KANSL1L: variants seen among roughly 807,000 people sequenced by gnomAD.
KANSL1L encodes KAT8 regulatory NSL complex subunit 1 like.
A neutral mutation model predicts 108.6 loss-of-function variants in KANSL1L; 25 were observed. The ratio of observed to expected loss-of-function variants is 0.23; its 90% CI spans 0.17 to 0.32. The LOEUF (loss-of-function observed/expected upper bound fraction) is 0.32, where lower values mean the gene tolerates loss of function less well. Among genes scored for constraint, KANSL1L ranks in the 10% least tolerant of loss-of-function variants. The pLI is 1.00. For missense variants in KANSL1L, 1,137 were observed against 1,125.7 expected, an observed-to-expected ratio of 1.01 and a Z score of -0.14; for synonymous variants, 405 against 395.1, an observed-to-expected ratio of 1.03 and a Z score of -0.30.
chr2:210,065,648 T>C (rs2539002), intron 6 of KANSL1L, among the ~76,000 whole-genome samples: 145,052 of 148,882 alleles, frequency 0.97, 70,780 homozygotes, highest in East Asian at 1. Flanking sequence ...TGCAGTGGCA[T>C]GATCTCGGCT....
chr2:210,093,336 G>C (rs149083244), intron 5 of KANSL1L, among the ~76,000 whole-genome samples: 29 of 152,260 alleles, frequency 1.9e-4, no homozygotes, highest in African/African-American at 7.0e-4. Flanking sequence ...AGTAGAGGCG[G>C]GGTTTTGCCA....
intron 3 of KANSL1L, among the ~76,000 whole-genome samples, chr2:210,115,931 T>C (rs2094949378): frequency 6.6e-6 from 1 of 152,132 alleles, no homozygotes; most frequent in African/African-American, 2.4e-5. Flanking sequence ...GAACACCAGA[T>C]TGAACACTAT....
chr2:210,025,207 G>C lies in KANSL1L; in HGVS notation c.2461C>G (p.Leu821Val), dbSNP rs764940486. ...CTTAGGGAGAAGACTTCATCAGAAA[G>C]ATCTTCTATCTGGAATTAGAAATAA... ...YNLGKEEIED[L>V]SDEVFSLRHK... The change falls in exon 13 of 15, where the codon CTT (leucine) becomes GTT (valine). Residue 821 changes from leucine (L) to valine (V), a missense_variant. By Grantham distance (32) the Leu-to-Val change is conservative (BLOSUM62 1). This residue lies in a region of KANSL1L where 575 missense variants were observed against 567.1 expected (regional missense o/e 1.01). Coordinates refer to ENST00000281772, the MANE Select transcript of KANSL1L (RefSeq NM_152519.4). 1.7e-5 allele frequency: 27 copies of C among 1,549,292 alleles called. No homozygotes were observed. The highest frequency in any genetic ancestry group is 2.4e-5 in the Non-Finnish European group (27 of 1,120,888).
At chr2:210,123,286 C>T (rs548363840) in intron 3 of KANSL1L, among the ~76,000 whole-genome samples, 67 of 152,160 alleles carry the variant, frequency 4.4e-4, no homozygotes, top group African/African-American at 1.5e-3. Context: ...CCTAAGTGTC[C>T]ATCAACAGAC....
chr2:210,040,310 G>A (rs2094150432), intron 8 of KANSL1L, 110 bp downstream of exon 8: 1 of 657,260 alleles, frequency 1.5e-6, no homozygotes. Flanking sequence ...TAAAAATTAA[G>A]GATTTTCATG....
chr2:210,044,132 C>T lies in KANSL1L; in HGVS notation c.1756-28G>A, dbSNP rs1289986055. On this transcript the variant is annotated intron_variant, in intron 6 of 14. Transcript: ENST00000281772. This position sits in a 1 kb window ranked among gnomAD's most constrained non-coding sequence, Gnocchi z 4.2. ...GCAAGGAAAAACCGTATTAGAATATCACAGCCAAAGCATCCATAAATGGCA... is the reference window on the plus strand; with the variant it reads ...GCAAGGAAAAACCGTATTAGAATATTACAGCCAAAGCATCCATAAATGGCA... 1.3e-6 allele frequency: 2 copies of T among 1,514,938 alleles called. No homozygotes were observed. The highest frequency in any genetic ancestry group is 1.4e-5 in the African/African-American group (1 of 71,724). The allele number at this position is 1,514,938 out of a possible 1,614,324, so 93.8% of individuals were successfully genotyped here.
At chr2:210,091,836 T>A (rs565895019) in intron 5 of KANSL1L, among the ~76,000 whole-genome samples, 1 of 152,180 alleles carries the variant, frequency 6.6e-6, no homozygotes, top group Non-Finnish European at 1.5e-5. Context: ...CCAAAGTATA[T>A]CCTTTATGTT....
At position 210,104,169 on chromosome 2, in the gene KANSL1L, G is replaced by C. The variant is rs1330979800; in HGVS notation, c.1363C>G (p.Pro455Ala). The C allele has an allele frequency of 1.2e-6, 2 of 1,613,876 alleles. No individual in the cohort carries two copies. The highest frequency in any genetic ancestry group is 1.7e-5 in the Admixed American group (1 of 59,988). Reference protein sequence around the residue: ...QVPQECQDPVPEQDFEMSPSS... With the variant: ...QVPQECQDPVAEQDFEMSPSS... The stretch of plus-strand genomic sequence containing the variant: ...GGTGACATTTCAAAATCTTGTTCCG[G>C]TACAGGATCTTGACACTCCTGGGGA... Residue 455 changes from proline (P) to alanine (A), a missense_variant, in exon 4 of 15, where the codon CCG (proline) becomes GCG (alanine). Physicochemically the swap from Pro to Ala is conservative, Grantham distance 27. Transcript: ENST00000281772.
chr2:210,073,868 C>T (rs926794243), intron 6 of KANSL1L, among the ~76,000 whole-genome samples: 2 of 151,994 alleles, frequency 1.3e-5, no homozygotes, highest in African/African-American at 4.8e-5. Context: ...AATTCTTTAA[C>T]ACATTAAACA....
At chr2:210,038,452 C>G (rs1355772638) in intron 8 of KANSL1L, among the ~76,000 whole-genome samples, 2 of 151,740 alleles carry the variant, frequency 1.3e-5, no homozygotes, top group East Asian at 3.9e-4. Flanking sequence ...TATAGTTGTG[C>G]CAAAATTGAT....
At chr2:210,129,313 A>T in intron 2 of KANSL1L, 141 bp from the exon 3 acceptor site, 1 of 648,370 alleles carries the variant, frequency 1.5e-6, no homozygotes, top group South Asian at 2.5e-5. Flanking sequence ...AGAATGGCAG[A>T]TTGACTTCTT....
At chr2:210,091,639 C>A (rs904667703) in intron 5 of KANSL1L, among the ~76,000 whole-genome samples, 16 of 152,246 alleles carry the variant, frequency 1.1e-4, no homozygotes, top group Non-Finnish European at 1.5e-4. Flanking sequence ...AATTCAAGCA[C>A]CTCAGTGCAA....
chr2:210,136,213 G>C (rs2095172525), intron 2 of KANSL1L, among the ~76,000 whole-genome samples: 1 of 151,956 alleles, frequency 6.6e-6, no homozygotes. Flanking sequence ...GAAAATTTCA[G>C]TATTAATTAA....
At position 210,111,353 on chromosome 2, in the gene KANSL1L, T is replaced by C. The variant is rs186697560; in HGVS notation, c.1231-7052A>G. Among the ~76,000 whole-genome samples, 184 of 152,240 alleles carry C rather than the reference T, an allele frequency of 1.2e-3. 1 individual carries two copies. Among genetic ancestry groups the C allele is most frequent in the African/African-American group, 4.2e-3 (176 of 41,558 alleles). The stretch of plus-strand genomic sequence containing the variant: ...ATATATACAGCAACAAAGATGAACC[T>C]AAAAGCATTATGCTAAGTGAAAGAG... On this transcript the variant is annotated intron_variant, in intron 3 of 14. Transcript: ENST00000281772.
intron 1 of KANSL1L, among the ~76,000 whole-genome samples, chr2:210,158,934 C>T (rs890477337): frequency 1.3e-5 from 2 of 152,168 alleles, no homozygotes; most frequent in African/African-American, 4.8e-5. Flanking sequence ...TGACGACCTC[C>T]ATATTATATA....
chr2:210,116,115 C>T (rs934148963), intron 3 of KANSL1L, among the ~76,000 whole-genome samples: 1 of 152,168 alleles, frequency 6.6e-6, no homozygotes, highest in African/African-American at 2.4e-5. Context: ...CTGAAGAAGC[C>T]TTGGGCCTTT....
intron 2 of KANSL1L, among the ~76,000 whole-genome samples, chr2:210,149,777 C>T (rs561839857): frequency 4.5e-4 from 69 of 151,872 alleles, no homozygotes; most frequent in African/African-American, 1.6e-3. Flanking sequence ...ATGTTGAGTA[C>T]AGTCTTTCCC....
At chr2:210,123,294 G>C (rs568324499) in intron 3 of KANSL1L, among the ~76,000 whole-genome samples, 1 of 152,258 alleles carries the variant, frequency 6.6e-6, no homozygotes, top group South Asian at 2.1e-4. Context: ...TCCATCAACA[G>C]ACAAATGGAT....
At chr2:210,129,850 T>G (rs1166542751) in intron 2 of KANSL1L, among the ~76,000 whole-genome samples, 2 of 152,140 alleles carry the variant, frequency 1.3e-5, no homozygotes, top group Admixed American at 6.6e-5. Context: ...CTTTCTTTCA[T>G]GCATATTTAA....
Sources: gnomAD v4.1 joint callset for allele counts (sites outside exome capture counted in the v4.1 genomes callset) on GRCh38, gnomAD v4.1.1 for gene constraint, gnomAD v4.1.1 regional missense constraint, Gnocchi (gnomAD v3.1) non-coding constraint, MANE v1.5 for transcripts, NCBI Gene and HGNC (gene_info 2026-07-23, HGNC 2026-07-21) for gene names.